Variants in ADGRL2 observed in about 807,000 individuals in gnomAD.
ADGRL2 encodes adhesion G protein-coupled receptor L2, also known as calcium-independent alpha-latrotoxin receptor 2.
A neutral mutation model predicts 157.4 loss-of-function variants in ADGRL2; 44 were observed. The observed-to-expected ratio is 0.28, with a 90% CI of 0.22 to 0.36. The LOEUF (loss-of-function observed/expected upper bound fraction) is 0.36. Ranked by LOEUF, ADGRL2 falls within the 10% of genes least tolerant of loss-of-function variation. ADGRL2 has a pLI of 1.00. For missense variants in ADGRL2, 1,510 were observed against 1,768.9 expected, an observed-to-expected ratio of 0.85 and a Z score of 2.63; for synonymous variants, 585 against 624.7, an observed-to-expected ratio of 0.94 and a Z score of 0.95.
intron 1 of ADGRL2, among the ~76,000 whole-genome samples, chr1:81,739,041 A>G (rs2149214510): frequency 6.6e-6 from 1 of 152,298 alleles, no homozygotes; most frequent in South Asian, 2.1e-4. Context: ...GAACTTCACA[A>G]AAACCTTTTG....
chr1:81,808,053 C>G (rs1358763990), intron 1 of ADGRL2, among the ~76,000 whole-genome samples: 3 of 151,728 alleles, frequency 2.0e-5, no homozygotes, highest in Non-Finnish European at 4.4e-5. Flanking sequence ...AAGCGCTTAA[C>G]ATCTGCAAGT....
chr1:81,370,523 A>G (rs527265938), intron 1 of ADGRL2, among the ~76,000 whole-genome samples: 1 of 152,312 alleles, frequency 6.6e-6, no homozygotes, highest in Non-Finnish European at 1.5e-5. Context: ...TATTGTTCCT[A>G]CATGAAAATT....
At chr1:81,542,960 T>G (rs183940625) in intron 2 of ADGRL2, among the ~76,000 whole-genome samples, 201 of 152,060 alleles carry the variant, frequency 1.3e-3, no homozygotes, top group African/African-American at 4.7e-3. Context: ...TTATGTTAGC[T>G]AACAAGTTTA....
chr1:81,900,791 A>T (rs2094471230), intron 2 of ADGRL2, among the ~76,000 whole-genome samples: 1 of 152,304 alleles, frequency 6.6e-6, no homozygotes, highest in African/African-American at 2.4e-5. Flanking sequence ...ACATACAATC[A>T]CATCAGCAAA....
At chr1:81,477,505 A>G (rs537538889) in intron 2 of ADGRL2, among the ~76,000 whole-genome samples, 1 of 152,356 alleles carries the variant, frequency 6.6e-6, no homozygotes, top group South Asian at 2.1e-4. Flanking sequence ...GTTTCCTGGC[A>G]AAGTGACGGC....
At chr1:81,803,506 A>G (rs991545478) in intron 1 of ADGRL2, among the ~76,000 whole-genome samples, 2 of 151,924 alleles carry the variant, frequency 1.3e-5, no homozygotes, top group South Asian at 4.2e-4. Context: ...TGCGGTATCT[A>G]TCATAGCCTT....
At chr1:81,914,595 C>T (rs1257792158) in intron 3 of ADGRL2, among the ~76,000 whole-genome samples, 2 of 152,180 alleles carry the variant, frequency 1.3e-5, no homozygotes, top group Non-Finnish European at 2.9e-5. Flanking sequence ...TTATCCACCA[C>T]TTGTCCATTA....
At chr1:81,684,028 G>A (rs148085746) in intron 3 of ADGRL2, among the ~76,000 whole-genome samples, 1,659 of 152,134 alleles carry the variant, frequency 0.011, 31 homozygotes, top group African/African-American at 0.038. Flanking sequence ...TGTTGGTCAG[G>A]CTGGTCTCGA....
chr1:81,914,394 T>C (rs2094807556), intron 3 of ADGRL2, among the ~76,000 whole-genome samples: 1 of 152,304 alleles, frequency 6.6e-6, no homozygotes, highest in South Asian at 2.1e-4. Flanking sequence ...TGTTTCATAA[T>C]ATTTTGGGGT....
At chr1:81,467,741 C>G (rs1445047783) in intron 2 of ADGRL2, among the ~76,000 whole-genome samples, 3 of 152,022 alleles carry the variant, frequency 2.0e-5, no homozygotes, top group Non-Finnish European at 4.4e-5. Context: ...TTGACAGGTT[C>G]AAACAGAAAT....
At chr1:81,858,828 G>A (rs1334358467) in intron 2 of ADGRL2, among the ~76,000 whole-genome samples, 2 of 152,064 alleles carry the variant, frequency 1.3e-5, no homozygotes, top group Admixed American at 6.6e-5. Context: ...TATAAAGTGC[G>A]CCATTTGTAA....
chr1:81,596,275 C>G (rs1180465583), intron 3 of ADGRL2: 1 of 568,822 alleles, frequency 1.8e-6, no homozygotes, highest in Non-Finnish European at 3.4e-6. Context: ...CCGAAATGAT[C>G]CCATGTCTTA....
At chr1:81,782,801 G>A (rs1440791080) in intron 2 of ADGRL2, among the ~76,000 whole-genome samples, 1 of 152,192 alleles carries the variant, frequency 6.6e-6, no homozygotes, top group East Asian at 1.9e-4. Flanking sequence ...CCTTTGGAGA[G>A]TTTTACTGGT....
At chr1:81,421,683 A>C (rs187979992) in intron 1 of ADGRL2, among the ~76,000 whole-genome samples, 4 of 148,228 alleles carry the variant, frequency 2.7e-5, no homozygotes, top group Admixed American at 1.4e-4. Flanking sequence ...ACCACACAAC[A>C]TCTCAACTAA....
rs56281820 is a variant in ADGRL2, at chr1:81,639,540, CAAAAAAAAAA to C, written c.-143+58576_-143+58585del. ...CCAATGTAGTGAGACTCCATCTCTA[CAAAAAAAAAA>C]AAAAAAAAAAAAAAAGATGAAGGTA... On this transcript the variant is annotated intron_variant, in intron 3 of 24. Transcript: ENST00000370721. Among the ~76,000 whole-genome samples the C allele has an allele frequency of 7.4e-3, 618 of 83,034 alleles. 2 individuals carry two copies. Among genetic ancestry groups the C allele is most frequent in the Admixed American group, 0.012 (68 of 5,538 alleles). The allele number at this position is 83,034 out of a possible 152,430, so 54.5% of individuals were successfully genotyped here.
At chr1:81,803,204 C>A (rs535699024) in intron 1 of ADGRL2, among the ~76,000 whole-genome samples, 1 of 151,976 alleles carries the variant, frequency 6.6e-6, no homozygotes, top group Non-Finnish European at 1.5e-5. Context: ...GGGAGACCCC[C>A]GCGCTGCCCG....
rs947739711 is a variant in ADGRL2, at chr1:81,991,103, A to T, written c.4368A>T (p.Gly1456=). The T allele has an allele frequency of 6.2e-6, 10 of 1,610,368 alleles. No individual in the cohort carries two copies. In the African/African-American group the frequency reaches 1.2e-4, roughly 19 times the overall value. ...PINKEGCIPE[G]DVREGQMQLV... ...ACAAAGAAGGGTGTATTCCAGAAGG[A>T]GATGTTAGAGAAGGACAAATGCAGC... The change falls in exon 24 of 24, where the codon GGA becomes GGT. Residue 1456 remains glycine, a synonymous_variant. Transcript: ENST00000686636.
intron 1 of ADGRL2, among the ~76,000 whole-genome samples, chr1:81,819,792 T>G (rs1490851168): frequency 6.6e-6 from 1 of 152,174 alleles, no homozygotes; most frequent in African/African-American, 2.4e-5. Context: ...TCAGGGCCAT[T>G]TTAGTAACAT....
chr1:81,760,094 T>C (rs1045679016), intron 1 of ADGRL2, among the ~76,000 whole-genome samples: 1 of 152,082 alleles, frequency 6.6e-6, no homozygotes, highest in Non-Finnish European at 1.5e-5. Flanking sequence ...TCCAAACATA[T>C]ATTCTTATCA....
Sources: gnomAD v4.1 joint callset for allele counts (sites outside exome capture counted in the v4.1 genomes callset) on GRCh38, gnomAD v4.1.1 for gene constraint, MANE v1.5 for transcripts, NCBI Gene and HGNC (gene_info 2026-07-23, HGNC 2026-07-21) for gene names.